Variants in MTAP observed in about 807,000 individuals in gnomAD.
MTAP encodes the protein methylthioadenosine phosphorylase.
MTAP carries 33 observed loss-of-function variants against 33.6 expected under a neutral mutation model. That is an observed-to-expected ratio of 0.98 (90% CI 0.74 to 1.31). The LOEUF (loss-of-function observed/expected upper bound fraction) is 1.31, where lower values mean the gene tolerates loss of function less well. MTAP is among the 40% of genes most tolerant of loss of function. MTAP has a pLI of 0.00. For missense variants in MTAP, 367 were observed against 360.0 expected, an observed-to-expected ratio of 1.02 and a Z score of -0.16; for synonymous variants, 148 against 125.7, an observed-to-expected ratio of 1.18 and a Z score of -1.19.
rs1346077047 is a variant in MTAP at position 21,844,854 on chromosome 9, A to AC, written c.450+6848dup. ...AGACCATCCTGGCTAACACGGTGAA[A>AC]CCCCATCTCTACTAAAAATACAAAA... is the stretch of plus-strand genomic sequence containing the variant. On this transcript the variant is annotated intron_variant, in intron 5 of 7. Coordinates refer to ENST00000644715, the MANE Select transcript of MTAP (RefSeq NM_002451.4). Among the ~76,000 whole-genome samples, 3 of 152,196 alleles carry AC rather than the reference A, an allele frequency of 2.0e-5. No homozygotes were observed. In the South Asian group the frequency reaches 6.2e-4, roughly 32 times the overall value.
Position 21,854,673 on chromosome 9 carries a change from T to G in MTAP, c.493T>G (p.Ser165Ala). ...TAAGAAGCTAGGACTCCGGTGCCAC[T>G]CAAAGGGGACAATGGTCACAATCGA... ...TAKKLGLRCH[S>A]KGTMVTIEGP... The change falls in exon 6 of 8, where the codon TCA becomes GCA. Residue 165 changes from serine (S) to alanine (A), a missense_variant. Ser to Ala is a moderately conservative substitution (Grantham distance 99). Transcript: ENST00000644715. 2.5e-6 allele frequency: 4 copies of G among 1,611,248 alleles called. No individual in the cohort carries two copies. Among genetic ancestry groups the G allele is most frequent in the Non-Finnish European group, 3.4e-6 (4 of 1,178,104 alleles).
chr9:21,862,060 C>G lies in MTAP; in HGVS notation c.*46C>G, dbSNP rs1470807025. 2 of 1,608,200 alleles carry G rather than the reference C, an allele frequency of 1.2e-6. No homozygotes were observed. Among genetic ancestry groups the G allele is most frequent in the Admixed American group, 1.7e-5 (1 of 59,070 alleles). On this transcript the variant is annotated 3_prime_UTR_variant, in exon 8 of 8. Transcript: ENST00000644715. ...GAAAAGAAGACATTCTAATTCCAGT[C>G]ATTTTGGGAATTCCTGCTTAACTTG... is the stretch of plus-strand genomic sequence containing the variant.
chr9:21,842,736 A>G (rs1825282508), intron 5 of MTAP, among the ~76,000 whole-genome samples: 1 of 152,226 alleles, frequency 6.6e-6, no homozygotes, highest in African/African-American at 2.4e-5. Context: ...TTGAGCCAAC[A>G]CTACAAGAAA....
At chr9:21,935,547 A>T (rs1019271460), downstream of MTAP, 2 of 151,986 alleles carry the variant, frequency 1.3e-5, no homozygotes, top group Non-Finnish European at 2.9e-5. Flanking sequence ...TCCCCTGGGC[A>T]TGGATTTGGG....
At position 21,810,174 on chromosome 9, in the gene MTAP, A is replaced by G. The variant is rs557741711; in HGVS notation, c.34-5259A>G. The stretch of plus-strand genomic sequence containing the variant: ...TCACAGCGCTGGAGGTTAGAAGTCC[A>G]AGATCAAGGTGAGATCAAGGTGGAT... On this transcript the variant is annotated intron_variant, in intron 1 of 7. Coordinates refer to ENST00000644715, the MANE Select transcript of MTAP (RefSeq NM_002451.4). Among the ~76,000 whole-genome samples the G allele has an allele frequency of 2.6e-5, 4 of 152,298 alleles. No homozygotes were observed. In the South Asian group the frequency reaches 8.3e-4, roughly 32 times the overall value.
intron 1 of MTAP, among the ~76,000 whole-genome samples, chr9:21,921,903 G>A (rs1587299633): frequency 6.6e-6 from 1 of 152,252 alleles, no homozygotes; most frequent in East Asian, 1.9e-4. Context: ...GTTGGAGTAG[G>A]TAGTTAGGCA....
At chr9:21,817,155 G>C (rs1824496328) in intron 3 of MTAP, among the ~76,000 whole-genome samples, 1 of 152,196 alleles carries the variant, frequency 6.6e-6, no homozygotes, top group Non-Finnish European at 1.5e-5. Flanking sequence ...TAGGGCTTCT[G>C]AAGTGGGTTA....
At position 21,861,878 on chromosome 9, in the gene MTAP, A is replaced by G. The variant is rs76352569; in HGVS notation, c.814-98A>G. The G allele has an allele frequency of 2.5e-3, 2,044 of 827,610 alleles. 19 individuals carry two copies. In the African/African-American group the frequency reaches 0.031, roughly 13 times the overall value. 51.3% of individuals were successfully genotyped at this position (827,610 alleles called of 1,614,324 possible). On this transcript the variant is annotated intron_variant, in intron 7 of 7. Coordinates refer to ENST00000644715, the MANE Select transcript of MTAP (RefSeq NM_002451.4). The stretch of plus-strand genomic sequence containing the variant: ...TAAAGTGTATGTTTCCTGCGTCCTC[A>G]CTTTGATCTAGAAAATCAAAATCTG...
downstream of MTAP, chr9:21,932,986 G>A (rs1373842042): frequency 6.6e-6 from 1 of 152,110 alleles, no homozygotes; most frequent in Non-Finnish European, 1.5e-5. Flanking sequence ...TATGAAATTA[G>A]TCCCTCAGAA....
chr9:21,913,225 A>G (rs1587292576), intron 1 of MTAP, among the ~76,000 whole-genome samples: 2 of 152,344 alleles, frequency 1.3e-5, no homozygotes, highest in African/African-American at 4.8e-5. Flanking sequence ...TATAAATTCA[A>G]TGCCATCCCC....
rs138122631 is a variant in MTAP at position 21,832,774 on chromosome 9, A to G, written c.348-5134A>G. On this transcript the variant is annotated intron_variant, in intron 4 of 7. Transcript: ENST00000644715. ...TGAGTTCCTATTAGGTGTCACAATC[A>G]GTTAATCCCACTTACGGCATACAGC... 2.8e-3 allele frequency among the ~76,000 whole-genome samples: 432 copies of G among 152,336 alleles called. 1 individual carries two copies. The highest frequency in any genetic ancestry group is 9.8e-3 in the African/African-American group (409 of 41,572).
chr9:21,924,873 G>C (rs919508271), intron 1 of MTAP, among the ~76,000 whole-genome samples: 6 of 152,196 alleles, frequency 3.9e-5, no homozygotes, highest in Non-Finnish European at 7.3e-5. Flanking sequence ...AGTTTATGGA[G>C]GATCCTGACA....
At chr9:21,840,948 G>C (rs535296214) in intron 5 of MTAP, among the ~76,000 whole-genome samples, 2 of 152,278 alleles carry the variant, frequency 1.3e-5, no homozygotes, top group South Asian at 4.2e-4. Context: ...CATAGTAGCT[G>C]GATGAGGCCT....
rs115536984 is a variant in MTAP at position 21,827,913 on chromosome 9, A to G, written c.347+9711A>G. Among the ~76,000 whole-genome samples the G allele has an allele frequency of 5.5e-3, 844 of 152,372 alleles. 7 individuals carry two copies. Among genetic ancestry groups the G allele is most frequent in the African/African-American group, 0.019 (794 of 41,588 alleles). ...AAACTCCATATTCAGGATGATCCAG[A>G]TGTATAAAGTATTACAGATGATACT... On this transcript the variant is annotated intron_variant, in intron 4 of 7. Coordinates refer to ENST00000644715, the MANE Select transcript of MTAP (RefSeq NM_002451.4).
chr9:21,851,582 A>G (rs939007578), intron 5 of MTAP, among the ~76,000 whole-genome samples: 4 of 152,184 alleles, frequency 2.6e-5, no homozygotes, highest in African/African-American at 4.8e-5. Flanking sequence ...AAGATTATGT[A>G]TGATCTCAGG....
intron 4 of MTAP, among the ~76,000 whole-genome samples, chr9:21,828,305 G>A (rs1824874311): frequency 1.3e-5 from 2 of 152,216 alleles, no homozygotes; most frequent in Admixed American, 6.5e-5. Context: ...CCATTATTGA[G>A]AGTGTGTGCA....
At chr9:21,916,080 A>AAAGGAAGGAAGGAAGGAAGG (rs375102585) in intron 1 of MTAP, among the ~76,000 whole-genome samples, 9 of 116,980 alleles carry the variant, frequency 7.7e-5, no homozygotes, top group African/African-American at 2.1e-4. Flanking sequence ...GGGAGGAAGG[A>AAAGGAAGGAAGGAAGGAAGG]AAGGAAGGAA....
At chr9:21,842,909 T>C (rs1005063551) in intron 5 of MTAP, among the ~76,000 whole-genome samples, 7 of 152,128 alleles carry the variant, frequency 4.6e-5, no homozygotes, top group African/African-American at 1.7e-4. Flanking sequence ...GTACCTCACA[T>C]CCCAATACTG....
At chr9:21,829,723 A>G (rs778684023) in intron 4 of MTAP, among the ~76,000 whole-genome samples, 13 of 152,194 alleles carry the variant, frequency 8.5e-5, no homozygotes, top group Non-Finnish European at 1.8e-4. Context: ...TGGCCAAGCT[A>G]AAGCACATCA....
Sources: gnomAD v4.1 joint callset for allele counts (sites outside exome capture counted in the v4.1 genomes callset) on GRCh38, gnomAD v4.1.1 for gene constraint, MANE v1.5 for transcripts, NCBI Gene and HGNC (gene_info 2026-07-23, HGNC 2026-07-21) for gene names.